DPP10: variants seen among roughly 807,000 people sequenced by gnomAD.
DPP10 encodes dipeptidyl peptidase like 10, also known as inactive dipeptidyl peptidase 10.
Under a neutral mutation model 120.9 loss-of-function variants are expected in DPP10, and 33 were observed. The observed-to-expected ratio is 0.27, with a 90% CI of 0.21 to 0.37. DPP10 has a LOEUF of 0.37. Among genes scored for constraint, DPP10 ranks in the 10% least tolerant of loss-of-function variants. The pLI, the probability that DPP10 is intolerant of heterozygous loss-of-function variation, is 1.00. For missense variants in DPP10, 816 were observed against 942.8 expected, an observed-to-expected ratio of 0.87 and a Z score of 1.76; for synonymous variants, 337 against 326.1, an observed-to-expected ratio of 1.03 and a Z score of -0.36.
chr2:115,094,371 A>G (rs916897334), intron 1 of DPP10, among the ~76,000 whole-genome samples: 1 of 152,118 alleles, frequency 6.6e-6, no homozygotes, highest in African/African-American at 2.4e-5. Context: ...ATCTGGACTG[A>G]GGTATATATT....
At chr2:114,456,210 C>A (rs1424945421) in intron 1 of DPP10, among the ~76,000 whole-genome samples, 3 of 152,108 alleles carry the variant, frequency 2.0e-5, no homozygotes, top group Admixed American at 2.0e-4. Context: ...GCAGGAGAAA[C>A]AATAGAGAAT....
intron 1 of DPP10, among the ~76,000 whole-genome samples, chr2:115,240,729 C>T (rs2058233430): frequency 6.6e-6 from 1 of 152,186 alleles, no homozygotes. Context: ...GTCGAACCCA[C>T]AATGTCTTCA....
chr2:115,438,322 C>T (rs1292929696), intron 3 of DPP10, among the ~76,000 whole-genome samples: 2 of 151,970 alleles, frequency 1.3e-5, no homozygotes, highest in East Asian at 1.9e-4. Context: ...GGTGCTTCCT[C>T]AAAAAAGTTT....
At chr2:115,064,567 C>A in intron 1 of DPP10, 1 of 1,076,788 alleles carries the variant, frequency 9.3e-7, no homozygotes, top group Non-Finnish European at 1.2e-6. Context: ...CCACCCACCC[C>A]TACACACACA....
At chr2:115,705,266 A>G (rs532876129) in intron 7 of DPP10, among the ~76,000 whole-genome samples, 8 of 152,132 alleles carry the variant, frequency 5.3e-5, no homozygotes, top group Admixed American at 1.3e-4. Context: ...ATTTCCTACT[A>G]AAAGTCAATG....
chr2:114,681,875 G>A (rs1037124165), intron 1 of DPP10, among the ~76,000 whole-genome samples: 1 of 151,994 alleles, frequency 6.6e-6, no homozygotes, highest in Non-Finnish European at 1.5e-5. Context: ...GCATTTTGCT[G>A]TAATGATAAG....
chr2:114,628,734 A>G (rs550817788), intron 1 of DPP10, among the ~76,000 whole-genome samples: 56 of 152,236 alleles, frequency 3.7e-4, no homozygotes, highest in Admixed American at 1.6e-3. Flanking sequence ...ATAGATTAGT[A>G]ACAATGCTCA....
chr2:115,301,993 A>G (rs1372148969), intron 1 of DPP10, among the ~76,000 whole-genome samples: 1 of 152,002 alleles, frequency 6.6e-6, no homozygotes, highest in Non-Finnish European at 1.5e-5. Flanking sequence ...TGAAGAAAAG[A>G]GTTTAATTGA....
At chr2:115,512,946 C>A (rs1234628219) in intron 4 of DPP10, among the ~76,000 whole-genome samples, 2 of 152,040 alleles carry the variant, frequency 1.3e-5, no homozygotes, top group Non-Finnish European at 2.9e-5. Context: ...GTTCTGCCTA[C>A]TGGTTCTATC....
In DPP10 at chr2:115,814,133, T is replaced by C. The variant is rs115010385; in HGVS notation, c.1701-660T>C. On this transcript the variant is annotated intron_variant, in intron 19 of 25. Transcript: ENST00000410059. The stretch of plus-strand genomic sequence containing the variant: ...ATGCTTTATTATTTATGTGTCTTTC[T>C]TTCCTTCTAGCTTTCAAGTTTTTCA... 6.6e-3 allele frequency among the ~76,000 whole-genome samples: 1,008 copies of C among 152,328 alleles called. 6 individuals carry two copies. The highest frequency in any genetic ancestry group is 0.014 in the Middle Eastern group (4 of 294).
chr2:115,392,708 G>C (rs981666890), intron 3 of DPP10, among the ~76,000 whole-genome samples: 56 of 152,146 alleles, frequency 3.7e-4, no homozygotes, highest in African/African-American at 1.3e-3. Flanking sequence ...TTTAATTTCA[G>C]TGTCTGTGAT....
intron 10 of DPP10, among the ~76,000 whole-genome samples, chr2:115,748,109 T>G (rs1417774156): frequency 6.6e-6 from 1 of 152,034 alleles, no homozygotes; most frequent in Admixed American, 6.6e-5. Context: ...TGTCCTCTCT[T>G]CTCTTTGATG....
intron 1 of DPP10, among the ~76,000 whole-genome samples, chr2:115,006,055 C>G (rs1348014031): frequency 6.6e-6 from 1 of 151,980 alleles, no homozygotes; most frequent in African/African-American, 2.4e-5. Context: ...AGAGTGGGGG[C>G]CAATATTCAA....
Position 115,124,796 on chromosome 2 carries a change from T to C in DPP10, c.61-184443T>C, listed in dbSNP as rs182895401. On this transcript the variant is annotated intron_variant, in intron 1 of 25. Transcript: ENST00000410059. ...AGTGTCTAAAAGAGTACCTGACATC[T>C]AGTTAACGTTTAACAAATAGTTACA... 2.6e-3 allele frequency among the ~76,000 whole-genome samples: 399 copies of C among 152,344 alleles called. 2 individuals carry two copies. Among genetic ancestry groups the C allele is most frequent in the Non-Finnish European group, 4.5e-3 (307 of 68,038 alleles).
intron 1 of DPP10, among the ~76,000 whole-genome samples, chr2:114,876,239 A>G (rs1691148532): frequency 6.6e-6 from 1 of 152,144 alleles, no homozygotes; most frequent in Admixed American, 6.6e-5. Context: ...TTGACAAGAG[A>G]TAGTGAAAAC....
At chr2:115,228,635 T>C (rs1245047061) in intron 1 of DPP10, among the ~76,000 whole-genome samples, 2 of 152,172 alleles carry the variant, frequency 1.3e-5, no homozygotes, top group Non-Finnish European at 2.9e-5. Context: ...GAAGTTTGTC[T>C]TTCTGCACCA....
chr2:114,540,995 C>A (rs181042925), intron 1 of DPP10, among the ~76,000 whole-genome samples: 1 of 152,248 alleles, frequency 6.6e-6, no homozygotes, highest in Admixed American at 6.5e-5. Flanking sequence ...TCTCTTTGGT[C>A]TTTTAAATAC....
intron 1 of DPP10, among the ~76,000 whole-genome samples, chr2:114,631,816 T>C (rs915053304): frequency 1.4e-4 from 22 of 152,314 alleles, no homozygotes; most frequent in African/African-American, 5.3e-4. Flanking sequence ...GTCTGGTATA[T>C]ATGCAAAATT....
chr2:114,934,636 G>C (rs1019133411), intron 1 of DPP10, among the ~76,000 whole-genome samples: 2 of 151,992 alleles, frequency 1.3e-5, no homozygotes, highest in Middle Eastern at 3.2e-3. Context: ...GTGTGTGTGT[G>C]TGTATGTGTG....
Sources: allele counts gnomAD v4.1 joint callset (sites outside exome capture counted in the v4.1 genomes callset), GRCh38; gene constraint gnomAD v4.1.1; transcripts MANE v1.5; gene names NCBI Gene and HGNC (gene_info 2026-07-23, HGNC 2026-07-21).